Variants in TNR observed in about 807,000 individuals in gnomAD.
TNR encodes tenascin-R.
Under a neutral mutation model 150.4 loss-of-function variants are expected in TNR, and 45 were observed. The observed-to-expected ratio is 0.30, with a 90% CI of 0.24 to 0.38. TNR has a LOEUF of 0.38. Among genes scored for constraint, TNR ranks in the 10% least tolerant of loss-of-function variants. TNR has a pLI of 1.00. For synonymous variants in TNR, 687 were observed against 678.4 expected (o/e 1.01, Z -0.20); for missense variants, 1,544 against 1,759.1 (o/e 0.88, Z 2.19).
chr1:175,494,506 T>C (rs973680543), intron 2 of TNR, among the ~76,000 whole-genome samples: 1 of 152,200 alleles, frequency 6.6e-6, no homozygotes, highest in Admixed American at 6.5e-5. Context: ...AGAAACTGCC[T>C]GTCTACCTGG....
rs1659797798 is a variant in TNR at position 175,525,061 on chromosome 1, G to A, written c.-64+3208C>T. On this transcript the variant is annotated intron_variant, in intron 2 of 22. Transcript: ENST00000367674. ...ATGGCATGGGAGGGACCTGGTGGGAGGTACTTGAATCATGTGGGCGGTTAC... is the reference window on the plus strand; with the variant it reads ...ATGGCATGGGAGGGACCTGGTGGGAAGTACTTGAATCATGTGGGCGGTTAC... Among the ~76,000 whole-genome samples, 4 of 152,134 alleles carry A rather than the reference G, an allele frequency of 2.6e-5. 1 individual carries two copies. The highest frequency in any genetic ancestry group is 2.6e-4 in the Admixed American group (4 of 15,274).
chr1:175,389,585 C>T (rs776222996), intron 7 of TNR, among the ~76,000 whole-genome samples: 3 of 152,194 alleles, frequency 2.0e-5, no homozygotes, highest in Non-Finnish European at 4.4e-5. Flanking sequence ...CAAACCTAAG[C>T]GTAAAAACAG....
chr1:175,456,749 A>G (rs1029055286), intron 2 of TNR, among the ~76,000 whole-genome samples: 4 of 152,242 alleles, frequency 2.6e-5, no homozygotes, highest in African/African-American at 9.6e-5. Flanking sequence ...TCTTAGTATC[A>G]TAAATTATTA....
chr1:175,688,813 C>T (rs1666272798), intron 1 of TNR, among the ~76,000 whole-genome samples: 1 of 152,252 alleles, frequency 6.6e-6, no homozygotes, highest in Non-Finnish European at 1.5e-5. Context: ...CTGTAAGTCA[C>T]TTCCATTCTC....
chr1:175,538,724 C>A (rs1056626310), intron 1 of TNR: 2 of 152,236 alleles, frequency 1.3e-5, no homozygotes, highest in Non-Finnish European at 1.5e-5. Flanking sequence ...ACCAACGATA[C>A]CCCTCCACAT....
intron 1 of TNR, among the ~76,000 whole-genome samples, chr1:175,682,036 T>C (rs1005084183): frequency 6.6e-6 from 1 of 152,096 alleles, no homozygotes; most frequent in African/African-American, 2.4e-5. Context: ...CACTTTGTCA[T>C]CAGAGATGGT....
At chr1:175,419,450 T>TA (rs1299042467) in intron 2 of TNR, among the ~76,000 whole-genome samples, 15 of 152,006 alleles carry the variant, frequency 9.9e-5, no homozygotes, top group East Asian at 1.9e-4. Context: ...TATAGGTTAT[T>TA]AAAAAAACCC....
chr1:175,563,295 T>C (rs1225683926), intron 1 of TNR, among the ~76,000 whole-genome samples: 1 of 152,152 alleles, frequency 6.6e-6, no homozygotes, highest in African/African-American at 2.4e-5. Flanking sequence ...AGGCTATGAT[T>C]CAAAAAGTTT....
chr1:175,395,277 G>A (rs1653370717), intron 5 of TNR, among the ~76,000 whole-genome samples: 1 of 152,076 alleles, frequency 6.6e-6, no homozygotes, highest in Admixed American at 6.5e-5. Context: ...AGATTTCAAG[G>A]CTAAATCTTT....
chr1:175,359,389 G>A (rs7549517), intron 15 of TNR, among the ~76,000 whole-genome samples: 47 of 152,010 alleles, frequency 3.1e-4, no homozygotes, highest in African/African-American at 8.9e-4. Context: ...CAAGTGATCC[G>A]CCTGCCTTGG....
chr1:175,511,767 C>T (rs149989974), intron 2 of TNR, among the ~76,000 whole-genome samples: 284 of 152,340 alleles, frequency 1.9e-3, no homozygotes, highest in African/African-American at 6.5e-3. Context: ...TCTCTCAGTT[C>T]CCCTTTCCTT....
chr1:175,362,374 T>A (rs1158443328), intron 14 of TNR, among the ~76,000 whole-genome samples: 1 of 152,232 alleles, frequency 6.6e-6, no homozygotes, highest in East Asian at 1.9e-4. Flanking sequence ...GATATCTGTT[T>A]TAGAATTCAC....
intron 1 of TNR, among the ~76,000 whole-genome samples, chr1:175,559,104 A>T (rs932877060): frequency 3.3e-5 from 5 of 152,282 alleles, no homozygotes; most frequent in African/African-American, 4.8e-5. Flanking sequence ...TCTATTTTTT[A>T]AAAAAATTTC....
At chr1:175,704,446 G>A (rs1057355515) in intron 1 of TNR, among the ~76,000 whole-genome samples, 1 of 152,152 alleles carries the variant, frequency 6.6e-6, no homozygotes, top group Non-Finnish European at 1.5e-5. Flanking sequence ...GCCTAGAGAA[G>A]GATAGTCTGG....
intron 1 of TNR, among the ~76,000 whole-genome samples, chr1:175,724,489 G>A (rs1179726561): frequency 1.3e-5 from 2 of 152,014 alleles, no homozygotes; most frequent in African/African-American, 4.8e-5. Flanking sequence ...CTCCCACTAG[G>A]CCCCACCTAC....
At chr1:175,478,333 G>T (rs889296626) in intron 2 of TNR, among the ~76,000 whole-genome samples, 2 of 152,192 alleles carry the variant, frequency 1.3e-5, no homozygotes, top group African/African-American at 4.8e-5. Context: ...GAATGGAGCA[G>T]GCAGGACTTG....
chr1:175,451,990 T>C (rs1656345056), intron 2 of TNR, among the ~76,000 whole-genome samples: 2 of 152,194 alleles, frequency 1.3e-5, no homozygotes, highest in South Asian at 4.1e-4. Flanking sequence ...ATGTCAAGTG[T>C]GCTGTGCCAT....
chr1:175,403,010 C>A, intron 4 of TNR, 130 bp downstream of exon 4: 1 of 794,988 alleles, frequency 1.3e-6, no homozygotes, highest in Non-Finnish European at 2.1e-6. Context: ...CAAATGAGTA[C>A]AACTCAATTG....
chr1:175,479,398 C>T (rs1004641104), intron 2 of TNR, among the ~76,000 whole-genome samples: 1 of 152,224 alleles, frequency 6.6e-6, no homozygotes, highest in Non-Finnish European at 1.5e-5. Flanking sequence ...GAGAGCCTGA[C>T]TTGCTTCAGT....
Sources: allele counts gnomAD v4.1 joint callset (sites outside exome capture counted in the v4.1 genomes callset), GRCh38; gene constraint gnomAD v4.1.1; transcripts MANE v1.5; gene names NCBI Gene and HGNC (gene_info 2026-07-23, HGNC 2026-07-21).